UBR3: variants seen among roughly 807,000 people sequenced by gnomAD.
UBR3 encodes ubiquitin protein ligase E3 component n-recognin 3.
A neutral mutation model predicts 243.2 loss-of-function variants in UBR3; 85 were observed. The observed-to-expected ratio is 0.35, with a 90% CI of 0.29 to 0.42. The LOEUF (loss-of-function observed/expected upper bound fraction) is 0.42, where lower values mean the gene tolerates loss of function less well. UBR3 is among the 10% of genes least tolerant of loss of function. UBR3 has a pLI of 1.00. For missense variants in UBR3, 1,686 were observed against 2,300.8 expected (o/e 0.73, Z 5.47); for synonymous variants, 748 against 799.8 (o/e 0.94, Z 1.09).
rs772857435 is a variant in UBR3, at chr2:169,928,840, T to C, written c.2538T>C (p.Ser846=). The C allele has an allele frequency of 6.0e-6, 9 of 1,494,218 alleles. No homozygotes were observed. Among genetic ancestry groups the C allele is most frequent in the Non-Finnish European group, 7.2e-6 (8 of 1,107,312 alleles). The allele number at this position is 1,494,218 out of a possible 1,614,324, so 92.6% of individuals were successfully genotyped here. A position where few individuals can be genotyped will look rare whatever the true frequency, so the allele number is the denominator to read the frequency against. Residue 846 remains serine (S), a synonymous_variant, in exon 18 of 39, where the codon TCT becomes TCC. Coordinates refer to ENST00000272793, the MANE Select transcript of UBR3 (RefSeq NM_172070.4). The part of the protein sequence containing the change: ...FKAPVFEPGG[S]MQQGMYTPKA... ...CTCCTGTTTTTGAACCTGGAGGTTC[T>C]ATGCAACAAGGCATGTATACTCCCA...
chr2:169,943,713 C>G lies in UBR3; in HGVS notation c.2805+1079C>G, dbSNP rs145467089. 1.8e-3 allele frequency among the ~76,000 whole-genome samples: 275 copies of G among 152,158 alleles called. 2 individuals are homozygous for G. The highest frequency in any genetic ancestry group is 6.6e-3 in the African/African-American group (273 of 41,530). On this transcript the variant is annotated intron_variant, in intron 20 of 38. Coordinates refer to ENST00000272793, the MANE Select transcript of UBR3 (RefSeq NM_172070.4). ...GTAGATACAAAGAAAACCTATTGTTCTTCTTCCTAATTAGAATTTGAAAAA... is the reference window on the plus strand; with the variant it reads ...GTAGATACAAAGAAAACCTATTGTTGTTCTTCCTAATTAGAATTTGAAAAA...
At chr2:169,834,385 G>A (rs995843660) in intron 1 of UBR3, among the ~76,000 whole-genome samples, 25 of 152,236 alleles carry the variant, frequency 1.6e-4, no homozygotes, top group African/African-American at 5.8e-4. Context: ...CAGTATTCTT[G>A]TATACACTTG....
chr2:169,948,586 T>C (rs2086878303), intron 22 of UBR3, among the ~76,000 whole-genome samples: 1 of 152,032 alleles, frequency 6.6e-6, no homozygotes, highest in Non-Finnish European at 1.5e-5. Flanking sequence ...GTAGAGTCTA[T>C]TTGTAGGAGC....
chr2:169,946,446 C>A, intron 21 of UBR3, 54 bp downstream of exon 21: 1 of 978,902 alleles, frequency 1.0e-6, no homozygotes, highest in Non-Finnish European at 1.5e-6. Flanking sequence ...TATCTGGCTC[C>A]AACCAATTGT....
intron 5 of UBR3, among the ~76,000 whole-genome samples, chr2:169,879,931 A>G (rs1169767477): frequency 2.0e-5 from 3 of 152,234 alleles, no homozygotes; most frequent in Admixed American, 6.5e-5. Context: ...CTAAACTGTA[A>G]TAATTCCATT....
At chr2:169,874,198 C>T (rs2083523975) in intron 2 of UBR3, among the ~76,000 whole-genome samples, 1 of 148,052 alleles carries the variant, frequency 6.8e-6, no homozygotes, top group African/African-American at 2.5e-5. Flanking sequence ...GATGGAGTTT[C>T]GCTCTTATTG....
chr2:169,997,574 G>A (rs1223298205), intron 26 of UBR3, among the ~76,000 whole-genome samples: 1 of 151,984 alleles, frequency 6.6e-6, no homozygotes, highest in Non-Finnish European at 1.5e-5. Context: ...GCTACCCACA[G>A]CTCTGTGAGC....
intron 1 of UBR3, among the ~76,000 whole-genome samples, chr2:169,856,454 C>T (rs2082867904): frequency 6.6e-6 from 1 of 152,222 alleles, no homozygotes; most frequent in Non-Finnish European, 1.5e-5. Flanking sequence ...AGGCTGCAAT[C>T]TCTGCACTTT....
In UBR3 at chr2:170,029,327, T is replaced by G. The variant is rs745549689; in HGVS notation, c.4454-19T>G. ...CAAATGTGTGAACTTTCTAATTACC[T>G]TTTCTTCAATTTTTTCAGATCAGCT... On this transcript the variant is annotated intron_variant, in intron 30 of 38. Coordinates refer to ENST00000272793, the MANE Select transcript of UBR3 (RefSeq NM_172070.4). The G allele has an allele frequency of 1.3e-6, 2 of 1,579,134 alleles. No homozygotes were observed. Among genetic ancestry groups the G allele is most frequent in the East Asian group, 2.3e-5 (1 of 44,038 alleles).
At chr2:170,071,902 C>G (rs1456149354) in intron 35 of UBR3, among the ~76,000 whole-genome samples, 1 of 152,088 alleles carries the variant, frequency 6.6e-6, no homozygotes, top group Non-Finnish European at 1.5e-5. Context: ...TTAAAGCAGT[C>G]ATTAAAAAGT....
At position 169,872,184 on chromosome 2, in the gene UBR3, A is replaced by G. The variant is rs1425053608; in HGVS notation, c.546-52A>G. 3.2e-6 allele frequency: 4 copies of G among 1,241,750 alleles called. No individual in the cohort carries two copies. In the African/African-American group the frequency reaches 4.7e-5, roughly 14 times the overall value. 76.9% of individuals were successfully genotyped at this position (1,241,750 alleles called of 1,614,324 possible). On this transcript the variant is annotated intron_variant, in intron 1 of 38. Coordinates refer to ENST00000272793, the MANE Select transcript of UBR3 (RefSeq NM_172070.4). ...CGAATATTGTAAATAGAAATAATAT[A>G]TTTTTAGCTGATTAGACATTACTGT...
intron 24 of UBR3, among the ~76,000 whole-genome samples, chr2:169,983,252 C>CTTTTTT (rs72194627): frequency 2.8e-5 from 2 of 72,000 alleles, no homozygotes; most frequent in African/African-American, 1.2e-4. Flanking sequence ...ATTCTCTCTC[C>CTTTTTT]TTTTTTTTTT....
At chr2:169,986,863 T>C (rs554104904) in intron 25 of UBR3, 69 bp downstream of exon 25, 70 of 1,509,040 alleles carry the variant, frequency 4.6e-5, no homozygotes, top group Middle Eastern at 3.6e-4. Flanking sequence ...TTAATAAATA[T>C]CTGTATTAAA....
chr2:169,860,690 G>A (rs915978414), intron 1 of UBR3, among the ~76,000 whole-genome samples: 2 of 151,988 alleles, frequency 1.3e-5, no homozygotes, highest in South Asian at 4.2e-4. Flanking sequence ...CTCTTGGATT[G>A]TCTTAGGAAA....
Position 170,007,131 on chromosome 2 carries a change from A to C in UBR3, c.4171A>C (p.Ser1391Arg). 6.2e-7 allele frequency: 1 copy of C among 1,613,058 alleles called. No individual in the cohort carries two copies. The highest frequency in any genetic ancestry group is 8.5e-7 in the Non-Finnish European group (1 of 1,179,698). ...CCCTTGGCAACGTCCTAGCAACAAA[A>C]GCATACAAGATCTCATAAAGGAAGT... ...NNPWQRPSNK[S>R]IQDLIKEVEE... is the part of the protein sequence containing the mutation. The change falls in exon 28 of 39, where the codon AGC becomes CGC. Residue 1391 changes from serine (S) to arginine (R), a missense_variant. Ser to Arg is a moderately radical substitution (Grantham distance 110). Around this residue, in one of 8 missense-constraint regions of UBR3, gnomAD observed 371 missense variants for 422.5 expected, o/e 0.88. Transcript: ENST00000272793.
intron 35 of UBR3, among the ~76,000 whole-genome samples, chr2:170,064,714 GTTTGT>G (rs1321783111): frequency 6.7e-5 from 10 of 149,558 alleles, no homozygotes; most frequent in Admixed American, 1.3e-4. Context: ...ACTAGCAGCA[GTTTGT>G]TTTAATTACT....
chr2:169,947,758 T>G, intron 22 of UBR3, 43 bp downstream of exon 22: 1 of 1,383,288 alleles, frequency 7.2e-7, no homozygotes, highest in South Asian at 1.9e-5. Flanking sequence ...AAGCTTTATG[T>G]TATGTATGTT....
At chr2:170,070,756 TGATACTGGCAAGG>T (rs1269538222) in intron 35 of UBR3, among the ~76,000 whole-genome samples, 4 of 152,142 alleles carry the variant, frequency 2.6e-5, no homozygotes, top group African/African-American at 9.7e-5. Flanking sequence ...TTTTGGAATT[TGATACTGGCAAGG>T]CTTGCACAAT....
chr2:169,938,373 T>C (rs1307797283), intron 19 of UBR3, among the ~76,000 whole-genome samples: 1 of 151,886 alleles, frequency 6.6e-6, no homozygotes, highest in Non-Finnish European at 1.5e-5. Context: ...CATGTGGTCC[T>C]GATTGGCTTC....
Sources: allele counts gnomAD v4.1 joint callset (sites outside exome capture counted in the v4.1 genomes callset), GRCh38; gene constraint gnomAD v4.1.1; regional missense constraint gnomAD v4.1.1; transcripts MANE v1.5; gene names NCBI Gene and HGNC (gene_info 2026-07-23, HGNC 2026-07-21).